Variants in GMDS observed in about 807,000 individuals in gnomAD.
The protein encoded by GMDS is GDP-mannose 4,6-dehydratase, also known as GDP-mannose 4,6 dehydratase.
GMDS carries 20 observed loss-of-function variants against 49.9 expected under a neutral mutation model. The observed-to-expected ratio is 0.40, with a 90% CI of 0.28 to 0.58. The LOEUF (loss-of-function observed/expected upper bound fraction) is 0.58. Among genes scored for constraint, GMDS ranks in the 20% least tolerant of loss-of-function variants. The pLI is 0.42. For synonymous variants in GMDS, 177 were observed against 178.6 expected, an observed-to-expected ratio of 0.99 and a Z score of 0.07; for missense variants, 362 against 481.4, an observed-to-expected ratio of 0.75 and a Z score of 2.32.
chr6:1,797,071 A>C (rs1371036178), intron 7 of GMDS, among the ~76,000 whole-genome samples: 1 of 152,224 alleles, frequency 6.6e-6, no homozygotes, highest in Non-Finnish European at 1.5e-5. Context: ...ACTGGGCCGC[A>C]AAGCAGGAGG....
chr6:2,165,628 A>G (rs1777626550), intron 1 of GMDS, among the ~76,000 whole-genome samples: 1 of 152,244 alleles, frequency 6.6e-6, no homozygotes, highest in Admixed American at 6.5e-5. Flanking sequence ...ACACAAAATA[A>G]CCATCACATA....
chr6:2,232,338 G>C (rs12207377), intron 1 of GMDS, among the ~76,000 whole-genome samples: 19,577 of 152,060 alleles, frequency 0.13, 1,880 homozygotes, highest in East Asian at 0.42. Context: ...ACCCCAAAAG[G>C]GGGTACAACA....
At chr6:1,670,878 T>A (rs1025174874) in intron 9 of GMDS, among the ~76,000 whole-genome samples, 1 of 152,198 alleles carries the variant, frequency 6.6e-6, no homozygotes, top group African/African-American at 2.4e-5. Flanking sequence ...ACATGAAAAC[T>A]CTTGCTCTGA....
At chr6:2,012,662 G>C (rs1243711141) in intron 4 of GMDS, among the ~76,000 whole-genome samples, 1 of 152,004 alleles carries the variant, frequency 6.6e-6, no homozygotes, top group Non-Finnish European at 1.5e-5. Context: ...GGTGAATATA[G>C]AGAATGGCGG....
intron 9 of GMDS, among the ~76,000 whole-genome samples, chr6:1,690,073 C>A (rs898432181): frequency 6.6e-6 from 1 of 152,140 alleles, no homozygotes; most frequent in African/African-American, 2.4e-5. Context: ...TCACTGCACT[C>A]CAGCCTGGGA....
intron 4 of GMDS, among the ~76,000 whole-genome samples, chr6:2,106,880 A>C (rs1488997163): frequency 6.6e-6 from 1 of 151,914 alleles, no homozygotes; most frequent in Admixed American, 6.6e-5. Context: ...GAAAAAAAAA[A>C]GGAAAAGTTT....
intron 9 of GMDS, among the ~76,000 whole-genome samples, chr6:1,706,669 C>T (rs1765749301): frequency 1.3e-5 from 2 of 152,350 alleles, no homozygotes; most frequent in Admixed American, 6.5e-5. Context: ...GAGGCGTCCG[C>T]AGCACGTGGC....
chr6:1,758,747 C>A (rs1160003719), intron 7 of GMDS, among the ~76,000 whole-genome samples: 2 of 152,174 alleles, frequency 1.3e-5, no homozygotes, highest in East Asian at 1.9e-4. Flanking sequence ...CAGAAACCCG[C>A]GTCTAAGCTC....
chr6:2,206,231 CT>C (rs1779801737), intron 1 of GMDS, among the ~76,000 whole-genome samples: 1 of 152,006 alleles, frequency 6.6e-6, no homozygotes, highest in South Asian at 2.1e-4. Flanking sequence ...GCACTCCAAC[CT>C]GGGCAACAAG....
rs111510099 is a variant in GMDS, at chr6:1,636,921, G to A, written c.988-12381C>T. 7.1e-3 allele frequency among the ~76,000 whole-genome samples: 1,080 copies of A among 152,326 alleles called. 9 individuals are homozygous for A. Among genetic ancestry groups the A allele is most frequent in the African/African-American group, 0.025 (1,033 of 41,570 alleles). On this transcript the variant is annotated intron_variant, in intron 9 of 10. Coordinates refer to ENST00000380815, the MANE Select transcript of GMDS (RefSeq NM_001500.4). ...CTGGGCTTGCCTCACCTGCACACGG[G>A]GGATCGCTGGGACCGGAAGAACTCT...
intron 4 of GMDS, among the ~76,000 whole-genome samples, chr6:2,005,361 ACC>A: frequency 6.6e-6 from 1 of 152,240 alleles, no homozygotes; most frequent in East Asian, 1.9e-4. Flanking sequence ...ATGGCCATTT[ACC>A]CCTCAGGAAA....
chr6:2,072,904 C>T (rs1772099016), intron 4 of GMDS, among the ~76,000 whole-genome samples: 1 of 152,178 alleles, frequency 6.6e-6, no homozygotes, highest in African/African-American at 2.4e-5. Context: ...TTTCTATTTG[C>T]TTAAATAAGC....
intron 1 of GMDS, among the ~76,000 whole-genome samples, chr6:2,222,077 T>G (rs1035053536): frequency 6.6e-6 from 1 of 152,264 alleles, no homozygotes; most frequent in Admixed American, 6.5e-5. Context: ...TAGGCTCCCC[T>G]GCATGGAGGT....
intron 9 of GMDS, among the ~76,000 whole-genome samples, chr6:1,628,226 A>G (rs775274329): frequency 6.6e-6 from 1 of 152,252 alleles, no homozygotes; most frequent in African/African-American, 2.4e-5. Flanking sequence ...CCTGTTTCTG[A>G]GCCCACAGTA....
At chr6:1,968,393 C>T (rs1764384062) in intron 4 of GMDS, among the ~76,000 whole-genome samples, 1 of 152,140 alleles carries the variant, frequency 6.6e-6, no homozygotes, top group African/African-American at 2.4e-5. Flanking sequence ...AAATGTCACA[C>T]ATTGTGACTC....
intron 7 of GMDS, among the ~76,000 whole-genome samples, chr6:1,771,171 G>A (rs771635097): frequency 1.3e-5 from 2 of 152,194 alleles, no homozygotes; most frequent in Non-Finnish European, 2.9e-5. Context: ...AAGCCTGAAA[G>A]TGTGATTAAT....
intron 7 of GMDS, among the ~76,000 whole-genome samples, chr6:1,921,877 C>G (rs191537887): frequency 3.2e-4 from 49 of 152,264 alleles, no homozygotes; most frequent in African/African-American, 1.1e-3. Context: ...CCACAGAAGG[C>G]TAGAAGATTT....
chr6:2,177,763 A>T (rs1204331177), intron 1 of GMDS, among the ~76,000 whole-genome samples: 2 of 152,224 alleles, frequency 1.3e-5, no homozygotes, highest in South Asian at 2.1e-4. Flanking sequence ...AGCTGGAAGC[A>T]TTCCCCTTCA....
chr6:1,806,826 C>T (rs934518653), intron 7 of GMDS, among the ~76,000 whole-genome samples: 2 of 152,118 alleles, frequency 1.3e-5, no homozygotes, highest in African/African-American at 4.8e-5. Flanking sequence ...GGTTCTTCCT[C>T]TGAGTTGACA....
Sources: allele counts gnomAD v4.1 joint callset (sites outside exome capture counted in the v4.1 genomes callset), GRCh38; gene constraint gnomAD v4.1.1; transcripts MANE v1.5; gene names NCBI Gene and HGNC (gene_info 2026-07-23, HGNC 2026-07-21).